POLR3K: variants seen among roughly 807,000 people sequenced by gnomAD.
POLR3K encodes the protein RNA polymerase III subunit K, also known as DNA-directed RNA polymerase III subunit RPC10.
A neutral mutation model predicts 13.5 loss-of-function variants in POLR3K; 11 were observed. That is an observed-to-expected ratio of 0.81 (90% CI 0.51 to 1.35). POLR3K has a LOEUF of 1.35. Ranked by LOEUF, POLR3K falls within the 40% of genes most tolerant of loss-of-function variation. POLR3K has a pLI of 0.00. For missense variants in POLR3K, 144 were observed against 145.3 expected (o/e 0.99, Z 0.05); for synonymous variants, 56 against 51.5 (o/e 1.09, Z -0.38).
chr16:53,504 C>T lies in POLR3K; in HGVS notation c.83G>A (p.Cys28Tyr). The T allele has an allele frequency of 6.2e-7, 1 of 1,612,880 alleles. No homozygotes were observed. The highest frequency in any genetic ancestry group is 8.5e-7 in the Non-Finnish European group (1 of 1,179,618). ...GCGGGTGATGTTGTGCACGTAGGGG[C>T]ACGTGTTGCAGGCGAAGCGGTGGCA... ...QRCHRFACNT[C>Y]PYVHNITRKV... The change falls in exon 1 of 3, where the codon TGC (cysteine) becomes TAC (tyrosine). Residue 28 changes from cysteine to tyrosine, a missense_variant. Coordinates refer to ENST00000293860, the MANE Select transcript of POLR3K (RefSeq NM_016310.5).
chr16:47,627 T>C (rs1322001227), intron 2 of POLR3K, 70 bp from the exon 3 acceptor site: 6 of 1,531,976 alleles, frequency 3.9e-6, no homozygotes, highest in Non-Finnish European at 5.3e-6. Flanking sequence ...AAAGTAGGTA[T>C]TACTTAATAT....
At position 53,523 on chromosome 16, in the gene POLR3K, G is replaced by T; in HGVS notation, c.64C>A (p.Arg22Ser). The change falls in exon 1 of 3, where the codon CGC becomes AGC. Residue 22 changes from arginine (R) to serine (S), a missense_variant. Transcript: ENST00000293860. ...TAGGGGCACGTGTTGCAGGCGAAGC[G>T]GTGGCAGCGTTGTCCCTCCTCCACG... Reference protein sequence around the residue: ...LIVEEGQRCHRFACNTCPYVH... With the variant: ...LIVEEGQRCHSFACNTCPYVH... The T allele has an allele frequency of 1.2e-6, 2 of 1,613,194 alleles. No individual in the cohort carries two copies. The highest frequency in any genetic ancestry group is 2.2e-5 in the South Asian group (2 of 91,050).
intron 2 of POLR3K, among the ~76,000 whole-genome samples, chr16:50,544 CAG>C (rs1897322612): frequency 6.6e-6 from 1 of 152,116 alleles, no homozygotes; most frequent in East Asian, 1.9e-4. Flanking sequence ...TGTTTTGAGA[CAG>C]AGTCTCACTC....
At chr16:48,796 G>T (rs1333314653) in intron 2 of POLR3K, among the ~76,000 whole-genome samples, 1 of 150,056 alleles carries the variant, frequency 6.7e-6, no homozygotes, top group Non-Finnish European at 1.5e-5. Context: ...GGGCAACAGA[G>T]TGAGACTCCA....
chr16:51,470 A>G, intron 2 of POLR3K, 88 bp downstream of exon 2: 1 of 974,578 alleles, frequency 1.0e-6, no homozygotes. Flanking sequence ...TACATCATTT[A>G]TATGACATCA....
chr16:52,663 G>A (rs1897347346), intron 1 of POLR3K, among the ~76,000 whole-genome samples: 1 of 146,464 alleles, frequency 6.8e-6, no homozygotes, highest in Non-Finnish European at 1.5e-5. Context: ...CTAATTGGGA[G>A]GCTGAGGCAG....
At position 49,060 on chromosome 16, in the gene POLR3K, G is replaced by A. The variant is rs561717035; in HGVS notation, c.200-1503C>T. Among the ~76,000 whole-genome samples, 87 of 151,982 alleles carry A rather than the reference G, an allele frequency of 5.7e-4. 1 individual carries two copies. In the South Asian group the frequency reaches 0.014, roughly 24 times the overall value. Reference sequence around the variant, plus strand: ...CCAGCTACTAGGGAGGCTGAGGCAGGAGAATCGCTTGAACCCGGGCAGCAT... The same window carrying A: ...CCAGCTACTAGGGAGGCTGAGGCAGAAGAATCGCTTGAACCCGGGCAGCAT... On this transcript the variant is annotated intron_variant, in intron 2 of 2. Transcript: ENST00000293860.
Position 47,561 on chromosome 16 carries a change from G to A in POLR3K, c.200-4C>T. The A allele has an allele frequency of 1.2e-6, 2 of 1,610,838 alleles. No individual in the cohort carries two copies. Among genetic ancestry groups the A allele is most frequent in the South Asian group, 2.2e-5 (2 of 90,948 alleles). On this transcript the variant is annotated splice_polypyrimidine_tract_variant and splice_region_variant and intron_variant, in intron 2 of 2. Transcript: ENST00000293860. ...TGTTCGCATTTGGGACACGACTCTG[G>A]CAATGAGAAAAAAGAAGTGACCACA...
intron 1 of POLR3K, 43 bp from the exon 2 acceptor site, chr16:51,688 C>CA: frequency 1.3e-6 from 2 of 1,521,300 alleles, no homozygotes; most frequent in Non-Finnish European, 1.8e-6. Context: ...CTGAATAGCG[C>CA]AAACCTGGGC....
chr16:48,187 G>A (rs1897300959), intron 2 of POLR3K, among the ~76,000 whole-genome samples: 1 of 151,914 alleles, frequency 6.6e-6, no homozygotes, highest in Non-Finnish European at 1.5e-5. Context: ...ACCGTGCCCA[G>A]ACTACTTAAT....
At chr16:48,509 T>C (rs770913479) in intron 2 of POLR3K, among the ~76,000 whole-genome samples, 1 of 152,180 alleles carries the variant, frequency 6.6e-6, no homozygotes, top group Non-Finnish European at 1.5e-5. Context: ...AAGCCTGCAT[T>C]GTCAAGAATT....
rs575892391 is a variant in POLR3K at position 51,066 on chromosome 16, C to T, written c.199+492G>A. Among the ~76,000 whole-genome samples, 5 of 152,320 alleles carry T rather than the reference C, an allele frequency of 3.3e-5. No individual in the cohort carries two copies. The South Asian group carries it at 1.0e-3, about 32-fold the overall frequency. Reference sequence around the variant, plus strand: ...CTCCCACTGGGCCCCTCCCAGGACACCTGGGGATTACGGAAACTATAATTC... The same window carrying T: ...CTCCCACTGGGCCCCTCCCAGGACATCTGGGGATTACGGAAACTATAATTC... On this transcript the variant is annotated intron_variant, in intron 2 of 2. Coordinates refer to ENST00000293860, the MANE Select transcript of POLR3K (RefSeq NM_016310.5).
In POLR3K at chr16:53,498, T is replaced by A; in HGVS notation, c.89A>T (p.Tyr30Phe). 1 of 1,612,654 alleles carries A rather than the reference T, an allele frequency of 6.2e-7. No homozygotes were observed. Among genetic ancestry groups the A allele is most frequent in the Non-Finnish European group, 8.5e-7 (1 of 1,179,520 alleles). Residue 30 changes from tyrosine (Y) to phenylalanine (F), a missense_variant, in exon 1 of 3, where the codon TAC becomes TTC. By Grantham distance (22) the Tyr-to-Phe change is conservative. Transcript: ENST00000293860. ...CACCTTGCGGGTGATGTTGTGCACGTAGGGGCACGTGTTGCAGGCGAAGCG... is the reference window on the plus strand; with the variant it reads ...CACCTTGCGGGTGATGTTGTGCACGAAGGGGCACGTGTTGCAGGCGAAGCG... Reference protein sequence around the residue: ...CHRFACNTCPYVHNITRKVTN... With the variant: ...CHRFACNTCPFVHNITRKVTN...
intron 2 of POLR3K, among the ~76,000 whole-genome samples, chr16:49,640 GTT>G (rs113159157): frequency 6.4e-5 from 8 of 124,980 alleles, no homozygotes; most frequent in Admixed American, 8.0e-5. Flanking sequence ...TGGCTAATTT[GTT>G]TTTTTTTTTT....
In POLR3K at chr16:47,353, C is replaced by A; in HGVS notation, c.*77G>T. 6.5e-7 allele frequency: 1 copy of A among 1,544,346 alleles called. No homozygotes were observed. Among genetic ancestry groups the A allele is most frequent in the Non-Finnish European group, 8.8e-7 (1 of 1,134,938 alleles). ...CACTAGCAAAGACCCTCAGGACACA[C>A]AACTCATACTGCCAGCTAAGCATCT... On this transcript the variant is annotated 3_prime_UTR_variant, in exon 3 of 3. Coordinates refer to ENST00000293860, the MANE Select transcript of POLR3K (RefSeq NM_016310.5).
chr16:51,351 G>A (rs533516733), intron 2 of POLR3K, among the ~76,000 whole-genome samples: 42 of 152,238 alleles, frequency 2.8e-4, no homozygotes, highest in African/African-American at 9.2e-4. Context: ...AATCTGACCC[G>A]GGCCTGTATG....
rs577041385 is a variant in POLR3K, at chr16:48,876, G to A, written c.200-1319C>T. Among the ~76,000 whole-genome samples, 8 of 150,092 alleles carry A rather than the reference G, an allele frequency of 5.3e-5. No individual in the cohort carries two copies. In the East Asian group the frequency reaches 1.2e-3, roughly 22 times the overall value. ...TGGGCTGAAAAGAAGAGAAGAGGCCGGGTATGGTGGCTCTTGCCTGTAATC... is the reference window on the plus strand; with the variant it reads ...TGGGCTGAAAAGAAGAGAAGAGGCCAGGTATGGTGGCTCTTGCCTGTAATC... On this transcript the variant is annotated intron_variant, in intron 2 of 2. Transcript: ENST00000293860.
In POLR3K at chr16:47,444, G is replaced by A. The variant is rs763758237; in HGVS notation, c.313C>T (p.Arg105Cys). Reference sequence around the variant, plus strand: ...CCATCCTGGCCCTAATCCCTCCAGCGGTGTCCACACTGAGCATTGCAGCAC... The same window carrying A: ...CCATCCTGGCCCTAATCCCTCCAGCAGTGTCCACACTGAGCATTGCAGCAC... The part of the protein sequence containing the change: ...YKCCNAQCGH[R>C]WRD The change falls in exon 3 of 3, where the codon CGC becomes TGC. Residue 105 changes from arginine (R) to cysteine (C), a missense_variant. By Grantham distance (180) the Arg-to-Cys change is radical (BLOSUM62 -3). Coordinates refer to ENST00000293860, the MANE Select transcript of POLR3K (RefSeq NM_016310.5). The A allele has an allele frequency of 1.4e-5, 23 of 1,612,988 alleles. No homozygotes were observed. Among genetic ancestry groups the A allele is most frequent in the Admixed American group, 3.3e-5 (2 of 59,948 alleles).
intron 1 of POLR3K, 127 bp downstream of exon 1, chr16:53,349 C>G (rs1056570847): frequency 4.2e-6 from 6 of 1,436,712 alleles, no homozygotes; most frequent in Non-Finnish European, 5.5e-6. Flanking sequence ...CTGCTGCAGA[C>G]CAGAAAGGGG....
Sources: allele counts gnomAD v4.1 joint callset (sites outside exome capture counted in the v4.1 genomes callset), GRCh38; gene constraint gnomAD v4.1.1; transcripts MANE v1.5; gene names NCBI Gene and HGNC (gene_info 2026-07-23, HGNC 2026-07-21).